The following NOTCH2 variants were observed in gnomAD, a reference collection of about 807,000 sequenced individuals.
The protein encoded by NOTCH2 is notch receptor 2.
Under a neutral mutation model 235.8 loss-of-function variants are expected in NOTCH2, and 29 were observed. The observed-to-expected ratio is 0.12, with a 90% CI of 0.09 to 0.17. The LOEUF (loss-of-function observed/expected upper bound fraction) is 0.17. Ranked by LOEUF, NOTCH2 falls within the 10% of genes least tolerant of loss-of-function variation. The pLI, the probability that NOTCH2 is intolerant of heterozygous loss-of-function variation, is 1.00. For synonymous variants in NOTCH2, 1,086 were observed against 1,141.5 expected, an observed-to-expected ratio of 0.95 and a Z score of 0.98; for missense variants, 2,285 against 3,150.2, an observed-to-expected ratio of 0.73 and a Z score of 6.57.
intron 10 of NOTCH2, 37 bp downstream of exon 10, chr1:119,965,416 G>T: frequency 1.3e-6 from 2 of 1,488,262 alleles, no homozygotes; most frequent in South Asian, 1.1e-5. Flanking sequence ...TGTTCAGATG[G>T]ACCTACCAAG....
chr1:120,066,406 C>T (rs868935876), intron 1 of NOTCH2, among the ~76,000 whole-genome samples: 44 of 146,128 alleles, frequency 3.0e-4, no homozygotes, highest in South Asian at 8.8e-4. Context: ...CCAAGATCCA[C>T]CCCAACAGAT....
At chr1:119,960,192 AG>A (rs1553198857) in intron 11 of NOTCH2, among the ~76,000 whole-genome samples, 1 of 152,186 alleles carries the variant, frequency 6.6e-6, no homozygotes. Flanking sequence ...TTTGAGGAAA[AG>A]CAAATTGACA....
chr1:119,972,503 T>C (rs184081202), intron 5 of NOTCH2, among the ~76,000 whole-genome samples: 1 of 152,326 alleles, frequency 6.6e-6, no homozygotes, highest in East Asian at 1.9e-4. Context: ...TTTGTGATAA[T>C]TTTGGGTACT....
chr1:119,948,873 C>T, intron 16 of NOTCH2, 134 bp downstream of exon 16: 2 of 1,253,018 alleles, frequency 1.6e-6, no homozygotes, highest in Non-Finnish European at 2.3e-6. Flanking sequence ...AGCTCCTTTG[C>T]AAAACCTGTG....
chr1:119,967,702 T>C, intron 7 of NOTCH2, 81 bp from the exon 8 acceptor site: 22 of 1,245,140 alleles, frequency 1.8e-5, no homozygotes, highest in Non-Finnish European at 2.6e-5. Flanking sequence ...CATCTGATGG[T>C]TATAGCATCA....
Position 119,919,518 on chromosome 1 carries a change from T to G in NOTCH2, c.5575A>C (p.Ile1859Leu). The change falls in exon 31 of 34, where the codon ATC (isoleucine) becomes CTC (leucine). Residue 1859 changes from isoleucine to leucine, a missense_variant. Around this residue, in one of 6 missense-constraint regions of NOTCH2, gnomAD observed 1,173 missense variants for 1,515.3 expected, o/e 0.77. Coordinates refer to ENST00000256646, the MANE Select transcript of NOTCH2 (RefSeq NM_024408.4). Reference protein sequence around the residue: ...EDAEDSSANIITDLVYQGASL... With the variant: ...EDAEDSSANILTDLVYQGASL... ...GCACCCTGGTAGACCAAGTCTGTGA[T>G]GATGTTAGCAGAAGAGTCCTCTGCA... is the stretch of plus-strand genomic sequence containing the variant. 1 of 1,614,026 alleles carries G rather than the reference T, an allele frequency of 6.2e-7. No homozygotes were observed. The highest frequency in any genetic ancestry group is 1.1e-5 in the South Asian group (1 of 91,078).
chr1:119,920,454 CAGA>C, intron 29 of NOTCH2, 57 bp from the exon 30 acceptor site: 2 of 1,589,918 alleles, frequency 1.3e-6, no homozygotes, highest in African/African-American at 1.3e-5. Context: ...AACTGCTAAT[CAGA>C]AGGTGTCCAG....
At chr1:119,972,473 T>C (rs151323848) in intron 5 of NOTCH2, among the ~76,000 whole-genome samples, 28 of 152,346 alleles carry the variant, frequency 1.8e-4, no homozygotes, top group Non-Finnish European at 4.0e-4. Flanking sequence ...AATTTAGATG[T>C]CATTTTTCTT....
chr1:120,001,051 T>C lies in NOTCH2; in HGVS notation c.416-3719A>G, dbSNP rs61787014. The stretch of plus-strand genomic sequence containing the variant: ...TAAGTCTCATGAGATCTGATGGGTT[T>C]CTCAGGGTTTCTGCTTTTGCTTCTT... On this transcript the variant is annotated intron_variant, in intron 3 of 33. Transcript: ENST00000256646. Among the ~76,000 whole-genome samples, 63 of 152,224 alleles carry C rather than the reference T, an allele frequency of 4.1e-4. 1 individual carries two copies. The highest frequency in any genetic ancestry group is 3.4e-3 in the Middle Eastern group (1 of 294).
At chr1:119,957,635 C>G (rs766965570) in intron 12 of NOTCH2, among the ~76,000 whole-genome samples, 30 of 152,116 alleles carry the variant, frequency 2.0e-4, no homozygotes, top group Non-Finnish European at 3.4e-4. Context: ...GTTCCATGAA[C>G]AGGGGACCAC....
intron 2 of NOTCH2, among the ~76,000 whole-genome samples, chr1:120,026,946 T>C (rs1653873340): frequency 7.4e-6 from 1 of 134,964 alleles, no homozygotes; most frequent in Admixed American, 7.4e-5. Context: ...GGCAGCTCCA[T>C]TTTCTTTTTT....
At position 119,913,522 on chromosome 1, in the gene NOTCH2, C is replaced by T. The variant is rs747317178; in HGVS notation, c.*1784G>A. ...GTGTCATGGGCATCACAGCACTGGA[C>T]GGAAGTTGCAGTGTAGCCATGGACC... On this transcript the variant is annotated 3_prime_UTR_variant, in exon 34 of 34. Transcript: ENST00000256646. 2.1e-5 allele frequency: 5 copies of T among 233,190 alleles called. No homozygotes were observed. The highest frequency in any genetic ancestry group is 1.8e-4 in the South Asian group (1 of 5,530). 14.4% of individuals were successfully genotyped at this position (233,190 alleles called of 1,614,324 possible). A position where few individuals can be genotyped will look rare whatever the true frequency, so the allele number is the denominator to read the frequency against.
intron 1 of NOTCH2, among the ~76,000 whole-genome samples, chr1:120,067,279 T>A (rs1553217265): frequency 6.9e-6 from 1 of 145,458 alleles, no homozygotes; most frequent in Admixed American, 6.7e-5. Context: ...GTTTAGCATC[T>A]AAAGAACACC....
intron 22 of NOTCH2, among the ~76,000 whole-genome samples, chr1:119,934,285 G>C (rs1266845967): frequency 6.6e-6 from 1 of 152,178 alleles, no homozygotes; most frequent in Non-Finnish European, 1.5e-5. Flanking sequence ...TTCCTGTACA[G>C]CCTATAGAAC....
At chr1:120,010,323 A>G (rs375138597) in intron 2 of NOTCH2, among the ~76,000 whole-genome samples, 8 of 152,124 alleles carry the variant, frequency 5.3e-5, no homozygotes, top group Non-Finnish European at 7.4e-5. Context: ...CAAGAAATTT[A>G]ATTTCTATCC....
At chr1:119,920,189 G>A (rs1649233538) in intron 30 of NOTCH2, 40 bp downstream of exon 30, 5 of 1,611,550 alleles carry the variant, frequency 3.1e-6, no homozygotes, top group Admixed American at 3.3e-5. Context: ...ACCATGGGCA[G>A]ACACAGCCCA....
rs1227426692 is a variant in NOTCH2, at chr1:119,925,554, G to A, written c.4262C>T (p.Pro1421Leu). Residue 1421 changes from proline to leucine, a missense_variant, in exon 25 of 34, where the codon CCT becomes CTT. Pro to Leu is a moderately conservative substitution (Grantham distance 98). This residue lies in a region of NOTCH2 where 1,173 missense variants were observed against 1,515.3 expected (regional missense o/e 0.77). Coordinates refer to ENST00000256646, the MANE Select transcript of NOTCH2 (RefSeq NM_024408.4). ...CELYTAPPST[P>L]PATCLSQYCA... ...ATACTGGCTCAGACAGGTGGCAGGAGGGGTGCTGGGGGGTGCCGTGTAGAG... is the reference window on the plus strand; with the variant it reads ...ATACTGGCTCAGACAGGTGGCAGGAAGGGTGCTGGGGGGTGCCGTGTAGAG... 6.2e-7 allele frequency: 1 copy of A among 1,614,044 alleles called. No homozygotes were observed. The highest frequency in any genetic ancestry group is 8.5e-7 in the Non-Finnish European group (1 of 1,180,038).
intron 14 of NOTCH2, among the ~76,000 whole-genome samples, chr1:119,953,001 A>C (rs1245014704): frequency 6.6e-6 from 1 of 152,200 alleles, no homozygotes; most frequent in Admixed American, 6.5e-5. Flanking sequence ...CTGGAGTCTT[A>C]ACTGCTCATC....
chr1:119,931,973 GAT>G lies in NOTCH2; in HGVS notation c.3656-2763_3656-2762del, dbSNP rs1371195460. On this transcript the variant is annotated intron_variant, in intron 22 of 33. Transcript: ENST00000256646. ...ATCAACAACTTAATGTGGGAAAAAA[GAT>G]ATATGTGTGTATATATATATATATG... Among the ~76,000 whole-genome samples, 21 of 142,418 alleles carry G rather than the reference GAT, an allele frequency of 1.5e-4. No homozygotes were observed. In the Admixed American group the frequency reaches 1.5e-3, roughly 10 times the overall value. 93.4% of individuals were successfully genotyped at this position (142,418 alleles called of 152,430 possible). A position where few individuals can be genotyped will look rare whatever the true frequency, so the allele number is the denominator to read the frequency against.
Sources: gnomAD v4.1 joint callset for allele counts (sites outside exome capture counted in the v4.1 genomes callset) on GRCh38, gnomAD v4.1.1 for gene constraint, gnomAD v4.1.1 regional missense constraint, MANE v1.5 for transcripts, NCBI Gene and HGNC (gene_info 2026-07-23, HGNC 2026-07-21) for gene names.